DCC: variants seen among roughly 807,000 people sequenced by gnomAD.
The protein encoded by DCC is DCC netrin 1 receptor, also known as netrin receptor DCC.
DCC carries 58 observed loss-of-function variants against 172.5 expected under a neutral mutation model. The observed-to-expected ratio is 0.34, with a 90% confidence interval of 0.27 to 0.42. The LOEUF is 0.42. DCC is among the 10% of genes least tolerant of loss of function. The pLI is 1.00. For synonymous variants in DCC, 709 were observed against 644.5 expected (o/e 1.10, Z -1.52); for missense variants, 1,740 against 1,791.0 (o/e 0.97, Z 0.51).
chr18:52,677,958 A>G (rs774013643), intron 1 of DCC, among the ~76,000 whole-genome samples: 2 of 152,166 alleles, frequency 1.3e-5, no homozygotes, highest in Non-Finnish European at 2.9e-5. Context: ...TTTTAAAGTC[A>G]AGGGTAAGGC....
chr18:52,584,539 C>T (rs2033626336), intron 1 of DCC, among the ~76,000 whole-genome samples: 2 of 152,118 alleles, frequency 1.3e-5, no homozygotes, highest in South Asian at 4.1e-4. Flanking sequence ...GTGGTTTAGA[C>T]TAACGCACAG....
rs755118442 is a variant in DCC at position 52,950,929 on chromosome 18, C to CAAAAA, written c.985+25597_985+25601dup. Among the ~76,000 whole-genome samples the CAAAAA allele has an allele frequency of 5.6e-3, 323 of 57,408 alleles. 52 individuals carry two copies. Among genetic ancestry groups the CAAAAA allele is most frequent in the Middle Eastern group, 0.013 (1 of 80 alleles). 37.7% of individuals were successfully genotyped at this position (57,408 alleles called of 152,430 possible). A position where few individuals can be genotyped will look rare whatever the true frequency, so the allele number is the denominator to read the frequency against. On this transcript the variant is annotated intron_variant, in intron 5 of 28. Transcript: ENST00000442544. ...TGGGCGACAGAGTGAGACTCCGTCT[C>CAAAAA]AAAAAAAAAAAAAAAAAAAAAAAAA... is the stretch of plus-strand genomic sequence containing the variant.
intron 5 of DCC, among the ~76,000 whole-genome samples, chr18:53,062,541 T>C (rs775506088): frequency 2.0e-4 from 30 of 152,122 alleles, no homozygotes; most frequent in Non-Finnish European, 3.1e-4. Context: ...TAAACATTAA[T>C]TTTTAGAATT....
intron 1 of DCC, among the ~76,000 whole-genome samples, chr18:52,546,045 T>C (rs2032605023): frequency 6.6e-6 from 1 of 152,154 alleles, no homozygotes; most frequent in African/African-American, 2.4e-5. Context: ...CTATTTTAGG[T>C]CCTATGAAGA....
intron 1 of DCC, among the ~76,000 whole-genome samples, chr18:52,718,357 T>C (rs544874158): frequency 2.0e-5 from 3 of 152,364 alleles, no homozygotes; most frequent in East Asian, 3.9e-4. Context: ...GTGAATAGTA[T>C]TTCTATTTTT....
chr18:52,924,422 T>C (rs1272002319), intron 4 of DCC, among the ~76,000 whole-genome samples: 1 of 152,118 alleles, frequency 6.6e-6, no homozygotes, highest in African/African-American at 2.4e-5. Context: ...AGCAATTTTT[T>C]TTAGCTTCAA....
intron 1 of DCC, among the ~76,000 whole-genome samples, chr18:52,438,346 T>C (rs546885531): frequency 1.4e-4 from 21 of 152,318 alleles, no homozygotes; most frequent in African/African-American, 4.8e-4. Context: ...TAAAGCACTA[T>C]TTCTCTATGT....
At chr18:53,468,371 A>ATTTATTTAT (rs1269286111) in intron 25 of DCC, among the ~76,000 whole-genome samples, 1 of 133,680 alleles carries the variant, frequency 7.5e-6, no homozygotes, top group East Asian at 2.0e-4. Context: ...TATTTTATTT[A>ATTTATTTAT]TTTATTTATT....
chr18:52,479,580 ACCC>A (rs11294586), intron 1 of DCC, among the ~76,000 whole-genome samples: 1 of 116,802 alleles, frequency 8.6e-6, no homozygotes. Context: ...ACCTCCCTCC[ACCC>A]CCCCCCCGTC....
intron 1 of DCC, among the ~76,000 whole-genome samples, chr18:52,532,455 C>G (rs962138145): frequency 6.6e-6 from 1 of 152,050 alleles, no homozygotes. Context: ...GTTCAAAGTA[C>G]AAAATAATAT....
chr18:53,244,269 A>G (rs1054527736), intron 12 of DCC, among the ~76,000 whole-genome samples: 34 of 152,306 alleles, frequency 2.2e-4, no homozygotes, highest in African/African-American at 7.9e-4. Flanking sequence ...ATGATGCTCT[A>G]CTTCCAGTAT....
intron 5 of DCC, among the ~76,000 whole-genome samples, chr18:52,990,786 G>C (rs1013111433): frequency 3.3e-5 from 5 of 151,988 alleles, no homozygotes; most frequent in Admixed American, 3.3e-4. Context: ...AATACACATA[G>C]AATAAAGATG....
At chr18:53,501,751 A>G (rs1299935198) in intron 27 of DCC, among the ~76,000 whole-genome samples, 1 of 152,216 alleles carries the variant, frequency 6.6e-6, no homozygotes, top group Admixed American at 6.5e-5. Flanking sequence ...TTACTGCACC[A>G]GTGATGTTTA....
intron 2 of DCC, among the ~76,000 whole-genome samples, chr18:52,873,569 A>C (rs1453299334): frequency 6.6e-6 from 1 of 152,186 alleles, no homozygotes; most frequent in African/African-American, 2.4e-5. Context: ...ATCATTTGTC[A>C]ATAGTTTTAT....
intron 9 of DCC, 41 bp from the exon 10 acceptor site, chr18:53,205,175 C>CTAATCACTT: frequency 6.4e-7 from 1 of 1,551,518 alleles, no homozygotes; most frequent in Non-Finnish European, 8.9e-7. Context: ...CCCACTTATC[C>CTAATCACTT]TAATCACTTT....
At chr18:53,068,369 C>T (rs896918927) in intron 7 of DCC, among the ~76,000 whole-genome samples, 3 of 150,602 alleles carry the variant, frequency 2.0e-5, no homozygotes, top group Non-Finnish European at 3.0e-5. Context: ...CCCATTAACT[C>T]GTCATTTAGC....
intron 5 of DCC, among the ~76,000 whole-genome samples, chr18:53,016,270 G>A (rs1245887721): frequency 6.6e-6 from 1 of 152,020 alleles, no homozygotes; most frequent in Non-Finnish European, 1.5e-5. Flanking sequence ...ACCAGAAAGG[G>A]AAACATATTC....
chr18:52,955,180 A>G (rs2040722151), intron 5 of DCC, among the ~76,000 whole-genome samples: 1 of 152,078 alleles, frequency 6.6e-6, no homozygotes, highest in African/African-American at 2.4e-5. Context: ...TGATAGTTTC[A>G]TTGTCTAAAG....
At chr18:52,932,824 G>T (rs1313776038) in intron 5 of DCC, among the ~76,000 whole-genome samples, 1 of 151,308 alleles carries the variant, frequency 6.6e-6, no homozygotes, top group African/African-American at 2.4e-5. Flanking sequence ...ACATATATAT[G>T]CAATACATGC....
Sources: allele counts gnomAD v4.1 joint callset (sites outside exome capture counted in the v4.1 genomes callset), GRCh38; gene constraint gnomAD v4.1.1; transcripts MANE v1.5; gene names NCBI Gene and HGNC (gene_info 2026-07-23, HGNC 2026-07-21).